Variants in CASR observed in about 807,000 individuals in gnomAD.
CASR encodes the protein calcium sensing receptor, also known as extracellular calcium-sensing receptor.
CASR carries 23 observed loss-of-function variants against 69.1 expected under a neutral mutation model. That is an observed-to-expected ratio of 0.33 (90% CI 0.24 to 0.47). CASR has a LOEUF of 0.47. CASR is among the 20% of genes least tolerant of loss of function. The pLI, the probability that CASR is intolerant of heterozygous loss-of-function variation, is 1.00. For missense variants in CASR, 924 were observed against 1,356.1 expected (o/e 0.68, Z 5.00); for synonymous variants, 541 against 544.7 (o/e 0.99, Z 0.10).
chr3:122,285,104 G>C lies in CASR; in HGVS notation c.3150G>C (p.Leu1050Phe), dbSNP rs2107652019. 1.9e-6 allele frequency: 3 copies of C among 1,614,190 alleles called. No individual in the cohort carries two copies. The highest frequency in any genetic ancestry group is 2.5e-6 in the Non-Finnish European group (3 of 1,180,020). Residue 1050 changes from leucine to phenylalanine, a missense_variant, in exon 7 of 7, where the codon TTG (leucine) becomes TTC (phenylalanine). By Grantham distance (22) the Leu-to-Phe change is conservative. This residue lies in a region of CASR where 201 missense variants were observed against 228.8 expected (regional missense o/e 0.88). Transcript: ENST00000639785. ...CAGAGGTGGAGGACCCTGAAGAGTT[G>C]TCCCCAGCACTTGTAGTGTCCAGTT... ...QRPEVEDPEE[L>F]SPALVVSSSQ...
chr3:122,207,660 T>C (rs899971435), intron 1 of CASR, among the ~76,000 whole-genome samples: 3 of 152,128 alleles, frequency 2.0e-5, no homozygotes, highest in African/African-American at 7.2e-5. Context: ...ATCTATGGGA[T>C]ACAACAAAAG....
chr3:122,230,263 G>A (rs558613291), intron 1 of CASR, among the ~76,000 whole-genome samples: 4 of 152,224 alleles, frequency 2.6e-5, no homozygotes, highest in Non-Finnish European at 5.9e-5. Context: ...CAAAGGCAGC[G>A]ATGACGCCTC....
At chr3:122,186,322 GA>G (rs1253778153) in intron 1 of CASR, among the ~76,000 whole-genome samples, 1 of 152,244 alleles carries the variant, frequency 6.6e-6, no homozygotes, top group African/African-American at 2.4e-5. Flanking sequence ...TGGTGGAAGA[GA>G]GTGGGGAGGA....
intron 1 of CASR, among the ~76,000 whole-genome samples, chr3:122,208,414 T>C (rs1385310018): frequency 6.6e-6 from 1 of 152,200 alleles, no homozygotes; most frequent in East Asian, 1.9e-4. Flanking sequence ...ATCTTTTTTT[T>C]CTAAACCTTA....
chr3:122,206,401 A>G lies in CASR; in HGVS notation c.-243+22589A>G, dbSNP rs553511965. Among the ~76,000 whole-genome samples, 36 of 152,146 alleles carry G rather than the reference A, an allele frequency of 2.4e-4. No individual in the cohort carries two copies. The South Asian group carries it at 7.5e-3, about 31-fold the overall frequency. On this transcript the variant is annotated intron_variant, in intron 1 of 6. Coordinates refer to ENST00000639785, the MANE Select transcript of CASR (RefSeq NM_000388.4). ...GTTATTGATTTGAGTATGTGGAACC[A>G]TCCTTGCATCCCTGGGATGAATCCT...
At chr3:122,266,327 C>T (rs1450168411) in intron 4 of CASR, among the ~76,000 whole-genome samples, 2 of 151,030 alleles carry the variant, frequency 1.3e-5, no homozygotes, top group Non-Finnish European at 3.0e-5. Flanking sequence ...TGTATTTGCC[C>T]CTCTTTTAGA....
chr3:122,237,235 A>G (rs2074337396), intron 1 of CASR, among the ~76,000 whole-genome samples: 1 of 151,156 alleles, frequency 6.6e-6, no homozygotes, highest in Non-Finnish European at 1.5e-5. Flanking sequence ...TCAGCCTCCC[A>G]AGTAGCTGGG....
intron 1 of CASR, among the ~76,000 whole-genome samples, chr3:122,209,157 A>C (rs781345702): frequency 2.6e-5 from 4 of 152,116 alleles, no homozygotes; most frequent in Non-Finnish European, 5.9e-5. Flanking sequence ...CCTTTCTAAG[A>C]AGTTTCCAGT....
chr3:122,256,854 C>G lies in CASR; in HGVS notation c.186-227C>G, dbSNP rs536141540. Among the ~76,000 whole-genome samples the G allele has an allele frequency of 5.9e-5, 9 of 152,334 alleles. No individual in the cohort carries two copies. In the South Asian group the frequency reaches 1.2e-3, roughly 21 times the overall value. On this transcript the variant is annotated intron_variant, in intron 2 of 6. Coordinates refer to ENST00000639785, the MANE Select transcript of CASR (RefSeq NM_000388.4). ...CAGGCTGGTTTTGAACTCTGGACCT[C>G]AAGTGATCCACCCGCCTCGGCCTCC...
At chr3:122,187,396 T>C (rs1396170272) in intron 1 of CASR, among the ~76,000 whole-genome samples, 1 of 152,258 alleles carries the variant, frequency 6.6e-6, no homozygotes, top group Non-Finnish European at 1.5e-5. Flanking sequence ...TTTTTATTCA[T>C]TCGACAGTGT....
chr3:122,263,145 T>G (rs902923212), intron 4 of CASR, among the ~76,000 whole-genome samples: 4 of 152,222 alleles, frequency 2.6e-5, no homozygotes, highest in African/African-American at 9.6e-5. Context: ...TGTGCCTTAT[T>G]TTTTTCAATC....
chr3:122,280,485 T>C (rs1406303327), intron 5 of CASR, among the ~76,000 whole-genome samples: 2 of 152,338 alleles, frequency 1.3e-5, no homozygotes, highest in South Asian at 2.1e-4. Flanking sequence ...TTAGCTTTCA[T>C]TGAGTGATCA....
At chr3:122,247,725 C>T (rs1282918430) in intron 1 of CASR, 2 of 152,296 alleles carry the variant, frequency 1.3e-5, no homozygotes, top group Non-Finnish European at 2.9e-5. Flanking sequence ...ATGGGACAGA[C>T]CTGGCCCTGT....
At chr3:122,249,668 G>T (rs2074463403) in intron 1 of CASR, among the ~76,000 whole-genome samples, 1 of 152,208 alleles carries the variant, frequency 6.6e-6, no homozygotes, top group South Asian at 2.1e-4. Flanking sequence ...CTGCCATTGA[G>T]AGAAAGAACA....
At chr3:122,198,268 A>ATATT (rs1237410169) in intron 1 of CASR, among the ~76,000 whole-genome samples, 2 of 152,250 alleles carry the variant, frequency 1.3e-5, no homozygotes, top group Non-Finnish European at 2.9e-5. Flanking sequence ...CAAATGTTAA[A>ATATT]TAAGTACTTG....
At chr3:122,200,534 C>T (rs976460960) in intron 1 of CASR, among the ~76,000 whole-genome samples, 4 of 152,052 alleles carry the variant, frequency 2.6e-5, no homozygotes, top group Admixed American at 1.3e-4. Context: ...GTATTATATT[C>T]GTGAGAGTAA....
At chr3:122,271,150 G>T (rs1167294897) in intron 4 of CASR, among the ~76,000 whole-genome samples, 2 of 152,114 alleles carry the variant, frequency 1.3e-5, no homozygotes, top group African/African-American at 4.8e-5. Context: ...TCATGGGCAT[G>T]ACTTGTCCAC....
chr3:122,189,284 C>T (rs1387982471), intron 1 of CASR, among the ~76,000 whole-genome samples: 2 of 152,292 alleles, frequency 1.3e-5, no homozygotes, highest in East Asian at 3.9e-4. Flanking sequence ...AAGGTAATGT[C>T]TCCTTCACAG....
chr3:122,255,239 G>A (rs978410447), intron 2 of CASR, among the ~76,000 whole-genome samples: 3 of 149,958 alleles, frequency 2.0e-5, no homozygotes, highest in South Asian at 2.1e-4. Context: ...GAATATGGTT[G>A]GGACTGTTTA....
Sources: allele counts gnomAD v4.1 joint callset (sites outside exome capture counted in the v4.1 genomes callset), GRCh38; gene constraint gnomAD v4.1.1; regional missense constraint gnomAD v4.1.1; transcripts MANE v1.5; gene names NCBI Gene and HGNC (gene_info 2026-07-23, HGNC 2026-07-21).